ABCC1: variants seen among roughly 807,000 people sequenced by gnomAD.
ABCC1 encodes the protein multidrug resistance-associated protein 1.
ABCC1 carries 83 observed loss-of-function variants against 172.9 expected under a neutral mutation model. The ratio of observed to expected loss-of-function variants is 0.48; its 90% CI spans 0.40 to 0.58. The LOEUF is 0.58. ABCC1 is among the 20% of genes least tolerant of loss of function. ABCC1 has a pLI of 0.00. For synonymous variants in ABCC1, 937 were observed against 825.2 expected (o/e 1.14, Z -2.32); for missense variants, 1,817 against 2,002.7 (o/e 0.91, Z 1.77).
chr16:15,998,888 T>C (rs1234771924), intron 1 of ABCC1, among the ~76,000 whole-genome samples: 1 of 152,220 alleles, frequency 6.6e-6, no homozygotes, highest in African/African-American at 2.4e-5. Context: ...TATCTGCTAC[T>C]ACGGTTTATT....
chr16:15,976,504 G>C lies in ABCC1; in HGVS notation c.48+26705G>C, dbSNP rs535247874. Among the ~76,000 whole-genome samples, 5 of 152,234 alleles carry C rather than the reference G, an allele frequency of 3.3e-5. No homozygotes were observed. The East Asian group carries it at 9.7e-4, about 29-fold the overall frequency. ...GACTAGACTGAAACCCAGGCAGTCT[G>C]TCTCCAGGGCCTGGCCGGTACCCCA... On this transcript the variant is annotated intron_variant, in intron 1 of 30. Coordinates refer to ENST00000399410, the MANE Select transcript of ABCC1 (RefSeq NM_004996.4).
chr16:15,992,114 G>T (rs1193305804), intron 1 of ABCC1, among the ~76,000 whole-genome samples: 1 of 151,940 alleles, frequency 6.6e-6, no homozygotes, highest in Non-Finnish European at 1.5e-5. Flanking sequence ...TGTGAACCGT[G>T]TGCGCGAGGG....
At chr16:16,070,430 C>T (rs995267887) in intron 13 of ABCC1, among the ~76,000 whole-genome samples, 3 of 151,588 alleles carry the variant, frequency 2.0e-5, no homozygotes, top group South Asian at 4.2e-4. Flanking sequence ...TCTGGGAGGC[C>T]GAGGTGGGCG....
At chr16:15,968,957 C>T (rs554987818) in intron 1 of ABCC1, among the ~76,000 whole-genome samples, 2 of 151,678 alleles carry the variant, frequency 1.3e-5, no homozygotes, top group East Asian at 1.9e-4. Flanking sequence ...CCTGTAATCT[C>T]AGTACGTTGA....
intron 21 of ABCC1, among the ~76,000 whole-genome samples, chr16:16,108,950 G>A (rs1401977490): frequency 6.6e-6 from 1 of 151,816 alleles, no homozygotes; most frequent in East Asian, 1.9e-4. Context: ...TGAGAAAGAG[G>A]TTCCTGAACG....
At chr16:16,010,220 A>G (rs1201040055) in intron 3 of ABCC1, among the ~76,000 whole-genome samples, 2 of 151,582 alleles carry the variant, frequency 1.3e-5, no homozygotes, top group African/African-American at 4.8e-5. Flanking sequence ...ATTTTTGGCT[A>G]ATTTTAAATT....
chr16:16,002,298 A>T (rs2047343278), intron 1 of ABCC1, among the ~76,000 whole-genome samples: 1 of 152,140 alleles, frequency 6.6e-6, no homozygotes, highest in African/African-American at 2.4e-5. Context: ...GAAGATGTAT[A>T]TTTACTTTAT....
chr16:16,008,134 G>A, intron 2 of ABCC1, 142 bp downstream of exon 2: 2 of 890,848 alleles, frequency 2.2e-6, no homozygotes, highest in Non-Finnish European at 3.3e-6. Flanking sequence ...AATGTGGGAG[G>A]TGAAAACTGG....
chr16:16,055,515 A>G (rs1596433757), intron 11 of ABCC1, among the ~76,000 whole-genome samples: 1 of 151,416 alleles, frequency 6.6e-6, no homozygotes, highest in Admixed American at 6.6e-5. Flanking sequence ...GTGCTACTGC[A>G]CTCCAGCCTG....
At chr16:16,039,336 C>T (rs1450653288) in intron 7 of ABCC1, among the ~76,000 whole-genome samples, 3 of 136,610 alleles carry the variant, frequency 2.2e-5, no homozygotes, top group Non-Finnish European at 3.1e-5. Flanking sequence ...AGTGTGATCT[C>T]GGCTCACTGC....
At chr16:15,994,692 T>C (rs1032774779) in intron 1 of ABCC1, among the ~76,000 whole-genome samples, 4 of 152,084 alleles carry the variant, frequency 2.6e-5, no homozygotes, top group Non-Finnish European at 5.9e-5. Flanking sequence ...CAACAAAAAA[T>C]AGTAGTTGCC....
chr16:16,106,747 C>T lies in ABCC1; in HGVS notation c.2745C>T (p.Ser915=), dbSNP rs2052132970. 6.2e-7 allele frequency: 1 copy of T among 1,614,054 alleles called. No individual in the cohort carries two copies. Among genetic ancestry groups the T allele is most frequent in the Non-Finnish European group, 8.5e-7 (1 of 1,180,032 alleles). Reference sequence around the variant, plus strand: ...TGCTTTGCTTCTCCAGACAGCTCAGCAGCTCCTCCTCCTATAGTGGGGACA... The same window carrying T: ...TGCTTTGCTTCTCCAGACAGCTCAGTAGCTCCTCCTCCTATAGTGGGGACA... The part of the protein sequence containing the change: ...SAGKQLQRQL[S]SSSSYSGDIS... Residue 915 remains serine, a synonymous_variant, in exon 21 of 31, where the codon AGC becomes AGT. Transcript: ENST00000399410.
chr16:16,105,115 A>G (rs886179697), intron 20 of ABCC1, among the ~76,000 whole-genome samples: 2 of 152,218 alleles, frequency 1.3e-5, no homozygotes, highest in African/African-American at 2.4e-5. Flanking sequence ...AAGCGCTGCC[A>G]GAGTGGGTGC....
chr16:16,009,691 A>G (rs575698598), intron 2 of ABCC1, 85 bp from the exon 3 acceptor site: 9 of 1,387,820 alleles, frequency 6.5e-6, no homozygotes, highest in East Asian at 2.6e-5. Flanking sequence ...TGGTTCTCCT[A>G]TCCCTGGGGC....
rs922083347 is a variant in ABCC1 at position 16,024,409 on chromosome 16, T to C, written c.615+7788T>C. 1.6e-4 allele frequency among the ~76,000 whole-genome samples: 25 copies of C among 152,182 alleles called. 1 individual carries two copies. Among genetic ancestry groups the C allele is most frequent in the Admixed American group, 1.0e-3 (16 of 15,272 alleles). ...CTCTGTCACCAAGGTTGGAGTGCGG[T>C]GGTGCCATCTCAGCTCACCGTGCCC... is the stretch of plus-strand genomic sequence containing the variant. On this transcript the variant is annotated intron_variant, in intron 5 of 30. Transcript: ENST00000399410.
At chr16:16,121,492 G>C (rs1042975895) in intron 23 of ABCC1, among the ~76,000 whole-genome samples, 1 of 152,214 alleles carries the variant, frequency 6.6e-6, no homozygotes, top group African/African-American at 2.4e-5. Context: ...AAACCACACT[G>C]CTGGTTCCAG....
At chr16:16,041,080 A>T (rs2048960270) in intron 7 of ABCC1, among the ~76,000 whole-genome samples, 1 of 148,508 alleles carries the variant, frequency 6.7e-6, no homozygotes, top group Non-Finnish European at 1.5e-5. Flanking sequence ...GGCACGTGCC[A>T]CCACACCTGG....
chr16:15,967,831 A>G (rs1169210741), intron 1 of ABCC1, among the ~76,000 whole-genome samples: 1 of 151,890 alleles, frequency 6.6e-6, no homozygotes, highest in East Asian at 1.9e-4. Flanking sequence ...AAGCCAGACT[A>G]TCACAACTCT....
Position 15,949,639 on chromosome 16 carries a change from T to A in ABCC1, c.-113T>A. ...CCGCCGCCGCCGCCGCCGCCAGCGC[T>A]AGCGCCAGCAGCCGGGCCCGATCAC... On this transcript the variant is annotated 5_prime_UTR_variant, in exon 1 of 31. Coordinates refer to ENST00000399410, the MANE Select transcript of ABCC1 (RefSeq NM_004996.4). 2 of 193,286 alleles carry A rather than the reference T, an allele frequency of 1.0e-5. No homozygotes were observed. Among genetic ancestry groups the A allele is most frequent in the Non-Finnish European group, 1.3e-5 (2 of 150,920 alleles). 12.0% of individuals were successfully genotyped at this position (193,286 alleles called of 1,614,324 possible). A position where few individuals can be genotyped will look rare whatever the true frequency, so the allele number is the denominator to read the frequency against.
Sources: gnomAD v4.1 joint callset for allele counts (sites outside exome capture counted in the v4.1 genomes callset) on GRCh38, gnomAD v4.1.1 for gene constraint, MANE v1.5 for transcripts, NCBI Gene and HGNC (gene_info 2026-07-23, HGNC 2026-07-21) for gene names.